The following FAM83E variants were observed in gnomAD, a reference collection of about 807,000 sequenced individuals.
FAM83E encodes the protein protein FAM83E.
A neutral mutation model predicts 34.3 loss-of-function variants in FAM83E; 29 were observed. The observed-to-expected ratio is 0.85, with a 90% confidence interval of 0.63 to 1.15. The LOEUF is 1.15. Ranked by LOEUF, FAM83E falls within the 50% of genes most tolerant of loss-of-function variation. The pLI is 0.00. For missense variants in FAM83E, 697 were observed against 685.0 expected (o/e 1.02, Z -0.20); for synonymous variants, 312 against 311.6 (o/e 1.00, Z -0.01).
In FAM83E at chr19:48,611,519, G is replaced by A. The variant is rs907474162; in HGVS notation, c.466-672C>T. On this transcript the variant is annotated intron_variant, in intron 3 of 6. Coordinates refer to ENST00000263266, the MANE Select transcript of FAM83E (RefSeq NM_017708.4). Reference sequence around the variant, plus strand: ...GTCTTGCTCTGTTGCCCAGGCTGGAGTGCAGTGGCGCAATATCAGCTCACT... The same window carrying A: ...GTCTTGCTCTGTTGCCCAGGCTGGAATGCAGTGGCGCAATATCAGCTCACT... 1.3e-4 allele frequency among the ~76,000 whole-genome samples: 20 copies of A among 151,326 alleles called. No homozygotes were observed. In the Middle Eastern group the frequency reaches 0.014, roughly 103 times the overall value.
chr19:48,610,794 C>T lies in FAM83E; in HGVS notation c.519G>A (p.Leu173=), dbSNP rs746580335. 1.6e-5 allele frequency: 25 copies of T among 1,592,366 alleles called. No homozygotes were observed. In the South Asian group the frequency reaches 2.7e-4, roughly 17 times the overall value. Residue 173 remains leucine, a synonymous_variant, in exon 4 of 7, where the codon TTG becomes TTA. Transcript: ENST00000263266. Reference sequence around the variant, plus strand: ...CCCAGCGGCGCGTGGCAGCATCCACCAAGTCCAAAAGCAGGTCTGGGTCAG... The same window carrying T: ...CCCAGCGGCGCGTGGCAGCATCCACTAAGTCCAAAAGCAGGTCTGGGTCAG... ...VFTDPDLLLD[L]VDAATRRWVP...
intron 5 of FAM83E, chr19:48,607,282 A>C: frequency 6.2e-7 from 1 of 1,601,332 alleles, no homozygotes; most frequent in Non-Finnish European, 8.5e-7. Context: ...AGCCCCGAGC[A>C]GCCAGACAGT....
At chr19:48,608,818 G>A (rs908455453) in intron 5 of FAM83E, among the ~76,000 whole-genome samples, 6 of 150,822 alleles carry the variant, frequency 4.0e-5, no homozygotes, top group Non-Finnish European at 7.4e-5. Context: ...CTGTTCCTGA[G>A]CAGTGTTCTC....
rs750020466 is a variant in FAM83E at position 48,601,104 on chromosome 19, C to T, written c.*5G>A. The T allele has an allele frequency of 4.4e-6, 7 of 1,605,460 alleles. No homozygotes were observed. The highest frequency in any genetic ancestry group is 5.9e-6 in the Non-Finnish European group (7 of 1,176,692). On this transcript the variant is annotated 3_prime_UTR_variant, in exon 7 of 7. Coordinates refer to ENST00000263266, the MANE Select transcript of FAM83E (RefSeq NM_017708.4). ...TGGGCCAGCAGATTTGGCTTGGGCT[C>T]CTGTTCAGGGTTGCCCCCCAAGTCC... is the stretch of plus-strand genomic sequence containing the variant.
At position 48,613,306 on chromosome 19, in the gene FAM83E, G is replaced by A; in HGVS notation, c.67C>T (p.Pro23Ser). ...TGGCCCTCGGAATATAGAAAGCCGG[G>A]GCTGGCCCCGGGCACCCTGGGACCG... ...DSGPRVPGAS[P>S]GFLYSEGQRL... The change falls in exon 3 of 7, where the codon CCC becomes TCC. Residue 23 changes from proline to serine, a missense_variant. Physicochemically the swap from Pro to Ser is moderately conservative, Grantham distance 74 (BLOSUM62 -1). Coordinates refer to ENST00000263266, the MANE Select transcript of FAM83E (RefSeq NM_017708.4). 3 of 1,602,410 alleles carry A rather than the reference G, an allele frequency of 1.9e-6. No homozygotes were observed. The highest frequency in any genetic ancestry group is 2.5e-6 in the Non-Finnish European group (3 of 1,176,900).
chr19:48,608,337 T>C (rs866452922), intron 5 of FAM83E, among the ~76,000 whole-genome samples: 5 of 151,918 alleles, frequency 3.3e-5, no homozygotes, highest in African/African-American at 1.2e-4. Context: ...GGTCTTGAAG[T>C]CCTGGGCTCA....
In FAM83E at chr19:48,605,416, T is replaced by A. The variant is rs555711432; in HGVS notation, c.759-1505A>T. Among the ~76,000 whole-genome samples, 5 of 152,046 alleles carry A rather than the reference T, an allele frequency of 3.3e-5. No individual in the cohort carries two copies. In the South Asian group the frequency reaches 8.3e-4, roughly 25 times the overall value. ...AGCAAGACCCCATCTCTATAAAAAA[T>A]TTTACAAAATTAGCCGGGCATGGTG... On this transcript the variant is annotated intron_variant, in intron 5 of 6. Transcript: ENST00000263266.
rs1973787885 is a variant in FAM83E, at chr19:48,600,162, T to C, written c.*947A>G. On this transcript the variant is annotated 3_prime_UTR_variant, in exon 7 of 7. Transcript: ENST00000263266. ...GTGTGCCTGGCAGCGACTCCCCATCTTCCCCTCCACAGCTCTAGCAGCTCT... is the reference window on the plus strand; with the variant it reads ...GTGTGCCTGGCAGCGACTCCCCATCCTCCCCTCCACAGCTCTAGCAGCTCT... Among the ~76,000 whole-genome samples the C allele has an allele frequency of 6.6e-6, 1 of 152,154 alleles. No individual in the cohort carries two copies. The highest frequency in any genetic ancestry group is 1.9e-4 in the East Asian group (1 of 5,192).
chr19:48,607,410 C>T, intron 5 of FAM83E: 1 of 1,507,168 alleles, frequency 6.6e-7, no homozygotes, highest in South Asian at 1.3e-5. Flanking sequence ...TCCCCATGTC[C>T]CCATGTCCTT....
In FAM83E at chr19:48,601,015, G is replaced by A; in HGVS notation, c.*94C>T. On this transcript the variant is annotated 3_prime_UTR_variant, in exon 7 of 7. Transcript: ENST00000263266. ...GACAGACGCCGAGGCCAGAAGCCTT[G>A]TCCAAGGCAGGGCATTGAGGCAGAG... 1.3e-6 allele frequency: 2 copies of A among 1,498,460 alleles called. No homozygotes were observed. The highest frequency in any genetic ancestry group is 1.8e-6 in the Non-Finnish European group (2 of 1,129,468). 92.8% of individuals were successfully genotyped at this position (1,498,460 alleles called of 1,614,324 possible).
Position 48,603,914 on chromosome 19 carries a change from G to A in FAM83E, c.759-3C>T, listed in dbSNP as rs766395929. The A allele has an allele frequency of 2.5e-6, 4 of 1,590,664 alleles. No individual in the cohort carries two copies. In the South Asian group the frequency reaches 4.5e-5, roughly 18 times the overall value. ...GGCGTGCGTCACTCCACGTGAAGCTGGGGGTCGGGGAGTAGGGGGTCAGAG... is the reference window on the plus strand; with the variant it reads ...GGCGTGCGTCACTCCACGTGAAGCTAGGGGTCGGGGAGTAGGGGGTCAGAG... On this transcript the variant is annotated splice_polypyrimidine_tract_variant and splice_region_variant and intron_variant, in intron 5 of 6. Coordinates refer to ENST00000263266, the MANE Select transcript of FAM83E (RefSeq NM_017708.4).
intron 5 of FAM83E, among the ~76,000 whole-genome samples, chr19:48,604,492 G>A (rs1161552832): frequency 6.6e-6 from 1 of 150,970 alleles, no homozygotes; most frequent in Non-Finnish European, 1.5e-5. Flanking sequence ...CGCCATGCCC[G>A]GCTAATTTTT....
chr19:48,604,260 G>A (rs1601123996), intron 5 of FAM83E, among the ~76,000 whole-genome samples: 1 of 151,534 alleles, frequency 6.6e-6, no homozygotes, highest in East Asian at 2.0e-4. Context: ...CAGGTGTGGT[G>A]GCGCACACCT....
intron 5 of FAM83E, 148 bp downstream of exon 5, chr19:48,609,728 C>A: frequency 2.2e-6 from 2 of 907,132 alleles, no homozygotes; most frequent in Non-Finnish European, 1.7e-6. Flanking sequence ...GCGGCACCAA[C>A]CTCCTCCGCA....
At chr19:48,601,690 G>C (rs551260091) in intron 6 of FAM83E, among the ~76,000 whole-genome samples, 36 of 151,890 alleles carry the variant, frequency 2.4e-4, no homozygotes, top group Non-Finnish European at 1.6e-4. Flanking sequence ...GCTTGAACCC[G>C]GAAGGGAGAG....
Position 48,614,698 on chromosome 19 carries a change from C to G in FAM83E, c.-1256+10G>C. On this transcript the variant is annotated intron_variant, in intron 2 of 6. Transcript: ENST00000263266. ...CACCCTCACCCATCCCCCCCATCGC[C>G]GGGGCTCACCCACACCGGCTAGTGC... 1.0e-6 allele frequency: 1 copy of G among 985,352 alleles called. No homozygotes were observed. The highest frequency in any genetic ancestry group is 1.2e-6 in the Non-Finnish European group (1 of 829,938). The allele number at this position is 985,352 out of a possible 1,614,324, so 61.0% of individuals were successfully genotyped here. A position where few individuals can be genotyped will look rare whatever the true frequency, so the allele number is the denominator to read the frequency against.
intron 5 of FAM83E, among the ~76,000 whole-genome samples, chr19:48,608,351 G>A (rs1035601495): frequency 6.6e-6 from 1 of 151,712 alleles, no homozygotes; most frequent in Non-Finnish European, 1.5e-5. Context: ...GGGCTCAAGC[G>A]ATCCTCCTGC....
chr19:48,611,464 G>A (rs1601132184), intron 3 of FAM83E, among the ~76,000 whole-genome samples: 4 of 151,760 alleles, frequency 2.6e-5, no homozygotes, highest in South Asian at 2.1e-4. Flanking sequence ...CACCACGCCC[G>A]GCTTTTTTTT....
rs909218345 is a variant in FAM83E, at chr19:48,608,400, A to T, written c.758+1476T>A. ...AGTGCTGGGACTACAGACATGAACC[A>T]CCACGCCTGGCCTTTTTCCGTTTTC... On this transcript the variant is annotated intron_variant, in intron 5 of 6. Transcript: ENST00000263266. Among the ~76,000 whole-genome samples, 3 of 145,634 alleles carry T rather than the reference A, an allele frequency of 2.1e-5. No individual in the cohort carries two copies. In the South Asian group the frequency reaches 6.6e-4, roughly 32 times the overall value.
Sources: allele counts gnomAD v4.1 joint callset (sites outside exome capture counted in the v4.1 genomes callset), GRCh38; gene constraint gnomAD v4.1.1; transcripts MANE v1.5; gene names NCBI Gene and HGNC (gene_info 2026-07-23, HGNC 2026-07-21).